UFD1: variants seen among roughly 807,000 people sequenced by gnomAD.
UFD1 encodes the protein ubiquitin recognition factor in ER associated degradation 1.
A neutral mutation model predicts 45.9 loss-of-function variants in UFD1; 13 were observed. That is an observed-to-expected ratio of 0.28 (90% CI 0.18 to 0.45). The LOEUF is 0.45. Ranked by LOEUF, UFD1 falls within the 20% of genes least tolerant of loss-of-function variation. UFD1 has a pLI of 1.00. For missense variants in UFD1, 218 were observed against 389.2 expected, an observed-to-expected ratio of 0.56 and a Z score of 3.70; for synonymous variants, 128 against 139.2, an observed-to-expected ratio of 0.92 and a Z score of 0.56.
At chr22:19,465,131 C>T (rs1231732772) in intron 6 of UFD1, 71 bp downstream of exon 6, 3 of 1,398,868 alleles carry the variant, frequency 2.1e-6, no homozygotes, top group Non-Finnish European at 3.0e-6. Context: ...TAAAAAGAAG[C>T]CCCATTCAAA....
intron 6 of UFD1, among the ~76,000 whole-genome samples, chr22:19,462,948 T>G (rs1182750943): frequency 6.6e-6 from 1 of 152,182 alleles, no homozygotes; most frequent in Non-Finnish European, 1.5e-5. Flanking sequence ...TTAAGGAAGG[T>G]TTTGATGATA....
At chr22:19,454,656 C>A in intron 11 of UFD1, 93 bp downstream of exon 11, 1 of 1,595,634 alleles carries the variant, frequency 6.3e-7, no homozygotes. Flanking sequence ...CAGACTAATG[C>A]ACACCCCTAC....
At chr22:19,470,851 A>C in intron 4 of UFD1, 1 of 458,316 alleles carries the variant, frequency 2.2e-6, no homozygotes, top group South Asian at 1.5e-5. Context: ...GCTGTGCTTC[A>C]GACCACCTCC....
chr22:19,466,642 C>T (rs2089804285), intron 5 of UFD1: 1 of 152,304 alleles, frequency 6.6e-6, no homozygotes, highest in African/African-American at 2.4e-5. Flanking sequence ...CCAGCTTAGG[C>T]AACATGGTGA....
intron 6 of UFD1, among the ~76,000 whole-genome samples, chr22:19,463,688 A>C (rs768006492): frequency 7.2e-5 from 11 of 152,230 alleles, no homozygotes; most frequent in South Asian, 6.2e-4. Flanking sequence ...TCTGACTCAG[A>C]TCTCCCACTA....
chr22:19,470,012 C>A, intron 4 of UFD1: 1 of 518,622 alleles, frequency 1.9e-6, no homozygotes, highest in South Asian at 1.4e-5. Context: ...ACAGAAGGGA[C>A]TGGGGAAGTA....
intron 1 of UFD1, among the ~76,000 whole-genome samples, chr22:19,476,879 C>T (rs532546720): frequency 1.1e-4 from 17 of 151,596 alleles, no homozygotes; most frequent in Non-Finnish European, 5.9e-5. Flanking sequence ...TGGTGGTACA[C>T]GCCTGTAATC....
chr22:19,478,989 C>G (rs1432684559), intron 1 of UFD1, 94 bp downstream of exon 1: 1 of 1,497,156 alleles, frequency 6.7e-7, no homozygotes, highest in African/African-American at 1.4e-5. Flanking sequence ...GACTCGGCAC[C>G]TCCGCCGCCG....
chr22:19,474,748 T>C (rs2089869479), intron 3 of UFD1, among the ~76,000 whole-genome samples: 1 of 152,106 alleles, frequency 6.6e-6, no homozygotes, highest in Admixed American at 6.5e-5. Flanking sequence ...ACTTGTACCT[T>C]CACTTAATCC....
intron 6 of UFD1, among the ~76,000 whole-genome samples, chr22:19,459,847 T>C (rs755194092): frequency 2.0e-5 from 3 of 150,412 alleles, no homozygotes; most frequent in Non-Finnish European, 3.0e-5. Context: ...CCAGCGATTC[T>C]CTTGCCTCAG....
At chr22:19,461,175 G>C (rs1240791043) in intron 6 of UFD1, among the ~76,000 whole-genome samples, 1 of 152,234 alleles carries the variant, frequency 6.6e-6, no homozygotes, top group Non-Finnish European at 1.5e-5. Context: ...CCATGTGGTA[G>C]CATGTGTCAG....
intron 7 of UFD1, 90 bp downstream of exon 7, chr22:19,457,981 G>C: frequency 7.3e-7 from 1 of 1,373,862 alleles, no homozygotes; most frequent in Non-Finnish European, 1.0e-6. Context: ...GGGGCTGTTT[G>C]ATGCCCTCCT....
chr22:19,467,148 T>C (rs1270819086), intron 5 of UFD1: 1 of 151,202 alleles, frequency 6.6e-6, no homozygotes, highest in East Asian at 1.9e-4. Context: ...TATCTGTCTG[T>C]GTTGTTTGAC....
intron 10 of UFD1, among the ~76,000 whole-genome samples, 179 bp downstream of exon 10, chr22:19,455,501 C>A (rs1036073241): frequency 6.6e-6 from 1 of 151,924 alleles, no homozygotes; most frequent in Non-Finnish European, 1.5e-5. Flanking sequence ...CTGGGGGTGG[C>A]ACTGTGGAAG....
At chr22:19,457,334 C>T (rs779196908) in intron 7 of UFD1, among the ~76,000 whole-genome samples, 2 of 152,204 alleles carry the variant, frequency 1.3e-5, no homozygotes, top group Non-Finnish European at 2.9e-5. Flanking sequence ...TAAGCCCTGG[C>T]AACCACTGGT....
chr22:19,450,972 C>T (rs2089677198), intron 11 of UFD1: 1 of 1,202,374 alleles, frequency 8.3e-7, no homozygotes, highest in Non-Finnish European at 1.1e-6. Flanking sequence ...CCCATCTCTA[C>T]CAAAAATAGC....
Position 19,471,702 on chromosome 22 carries a change from G to A in UFD1, c.276C>T (p.Cys92=). The change falls in exon 4 of 12, where the codon TGC becomes TGT. Residue 92 remains cysteine (C), a synonymous_variant. Coordinates refer to ENST00000263202, the MANE Select transcript of UFD1 (RefSeq NM_005659.7). ...VLEFVADEGI[C]YLPHWMMQNL... ...CCCCACTCACCCAGTGTGGGAGGTA[G>A]CAGATGCCCTCATCAGCCACAAACT... 6.2e-7 allele frequency: 1 copy of A among 1,613,200 alleles called. No individual in the cohort carries two copies. Among genetic ancestry groups the A allele is most frequent in the Non-Finnish European group, 8.5e-7 (1 of 1,179,998 alleles).
intron 11 of UFD1, chr22:19,454,512 C>T: frequency 1.1e-6 from 1 of 885,224 alleles, no homozygotes; most frequent in South Asian, 1.9e-5. Context: ...TGCCTGCTAC[C>T]ATCCATGTAA....
intron 6 of UFD1, among the ~76,000 whole-genome samples, chr22:19,459,444 C>G (rs563408644): frequency 6.6e-6 from 1 of 152,272 alleles, no homozygotes; most frequent in South Asian, 2.1e-4. Context: ...GAAGACCCGT[C>G]TCTACTAAAA....
Sources: gnomAD v4.1 joint callset for allele counts (sites outside exome capture counted in the v4.1 genomes callset) on GRCh38, gnomAD v4.1.1 for gene constraint, MANE v1.5 for transcripts, NCBI Gene and HGNC (gene_info 2026-07-23, HGNC 2026-07-21) for gene names.